Variants in MGA observed in about 807,000 individuals in gnomAD.
MGA encodes MAX gene-associated protein.
In MGA, 40 loss-of-function variants were observed where a neutral mutation model predicts 261.1. The ratio of observed to expected loss-of-function variants is 0.15; its 90% confidence interval spans 0.12 to 0.20. The LOEUF (loss-of-function observed/expected upper bound fraction) is 0.20, where lower values mean the gene tolerates loss of function less well. MGA is among the 10% of genes least tolerant of loss of function. The pLI is 1.00. For synonymous variants in MGA, 1,302 were observed against 1,290.6 expected, an observed-to-expected ratio of 1.01 and a Z score of -0.19; for missense variants, 3,397 against 3,630.5, an observed-to-expected ratio of 0.94 and a Z score of 1.65.
intron 1 of MGA, among the ~76,000 whole-genome samples, chr15:41,628,331 C>T (rs1370252234): frequency 6.8e-6 from 1 of 146,560 alleles, no homozygotes; most frequent in Admixed American, 6.9e-5. Context: ...CGTGCCACTG[C>T]TCTCCAGCCT....
chr15:41,750,884 G>A (rs748183170), intron 17 of MGA: 1 of 275,672 alleles, frequency 3.6e-6, no homozygotes, highest in Non-Finnish European at 6.8e-6. Flanking sequence ...TACCGAGTTA[G>A]ATTTTTAAAA....
chr15:41,686,019 AT>A (rs67738442), intron 2 of MGA, among the ~76,000 whole-genome samples: 36,714 of 140,764 alleles, frequency 0.26, 4,656 homozygotes, highest in Middle Eastern at 0.4. Flanking sequence ...AAAAAAAAAA[AT>A]AATAATAATA....
intron 17 of MGA, chr15:41,752,242 G>C (rs1048118295): frequency 6.6e-6 from 1 of 152,062 alleles, no homozygotes; most frequent in Non-Finnish European, 1.5e-5. Flanking sequence ...TCTTGGCCAG[G>C]CTGGTCTTAA....
intron 10 of MGA, 34 bp downstream of exon 10, chr15:41,727,440 A>G: frequency 6.3e-7 from 1 of 1,578,316 alleles, no homozygotes; most frequent in Middle Eastern, 1.7e-4. Context: ...ATTACAAGTT[A>G]CCAAAGTCAT....
chr15:41,692,049 G>GT (rs770708260), intron 2 of MGA, among the ~76,000 whole-genome samples: 96 of 152,168 alleles, frequency 6.3e-4, no homozygotes, highest in Non-Finnish European at 1.1e-3. Flanking sequence ...TGGCAGGGCA[G>GT]TTACTAGTAT....
At chr15:41,744,445 C>T (rs1419340401) in intron 15 of MGA, among the ~76,000 whole-genome samples, 2 of 152,152 alleles carry the variant, frequency 1.3e-5, no homozygotes, top group Non-Finnish European at 2.9e-5. Context: ...ATCTTCCCAC[C>T]TTGGCCTCCC....
chr15:41,741,893 G>T (rs1299861423), intron 14 of MGA, among the ~76,000 whole-genome samples: 3 of 151,576 alleles, frequency 2.0e-5, no homozygotes, highest in African/African-American at 7.3e-5. Flanking sequence ...TGTATTTTTA[G>T]TAGAGACGGG....
chr15:41,631,017 G>A (rs751852882), intron 1 of MGA, among the ~76,000 whole-genome samples: 9 of 152,262 alleles, frequency 5.9e-5, no homozygotes, highest in South Asian at 4.1e-4. Context: ...GGTACAGTGT[G>A]GGGGACACAC....
chr15:41,722,108 T>G (rs964914852), intron 9 of MGA, among the ~76,000 whole-genome samples: 3 of 149,936 alleles, frequency 2.0e-5, no homozygotes, highest in African/African-American at 4.9e-5. Context: ...AATATAAACT[T>G]TTAAAGTAGG....
At chr15:41,715,352 A>T (rs1279030906) in intron 9 of MGA, among the ~76,000 whole-genome samples, 1 of 151,366 alleles carries the variant, frequency 6.6e-6, no homozygotes, top group African/African-American at 2.4e-5. Flanking sequence ...GTTTCACCAT[A>T]TTGGCCAGGC....
chr15:41,696,361 T>G lies in MGA; in HGVS notation c.1351T>G (p.Ser451Ala). 1 of 1,613,950 alleles carries G rather than the reference T, an allele frequency of 6.2e-7. No individual in the cohort carries two copies. Among genetic ancestry groups the G allele is most frequent in the Non-Finnish European group, 8.5e-7 (1 of 1,179,890 alleles). ...TTCTAAATGGCTTCCAAGCAGCCCA[T>G]CAGGTGTTGCTAAAGCTAAAATGTT... The change falls in exon 3 of 24, where the codon TCA (serine) becomes GCA (alanine). Residue 451 changes from serine to alanine, a missense_variant. By Grantham distance (99) the Ser-to-Ala change is moderately conservative. Around this residue, in one of 9 missense-constraint regions of MGA, gnomAD observed 563 missense variants for 563.6 expected, o/e 1.00. Transcript: ENST00000219905.
intron 2 of MGA, among the ~76,000 whole-genome samples, chr15:41,686,943 T>A (rs553924853): frequency 7.6e-4 from 116 of 152,262 alleles, no homozygotes; most frequent in African/African-American, 2.7e-3. Flanking sequence ...TTATTTCTGA[T>A]GTGTTAGCAG....
chr15:41,747,451 C>T (rs918548354), intron 15 of MGA, among the ~76,000 whole-genome samples: 2 of 151,930 alleles, frequency 1.3e-5, no homozygotes, highest in South Asian at 4.2e-4. Flanking sequence ...CATAAGAGGC[C>T]AGGCACATTG....
chr15:41,758,451 A>G (rs1020702932), intron 19 of MGA, among the ~76,000 whole-genome samples: 1 of 152,140 alleles, frequency 6.6e-6, no homozygotes, highest in African/African-American at 2.4e-5. Context: ...TTAAAAAATC[A>G]TAGTGCAGTT....
intron 1 of MGA, among the ~76,000 whole-genome samples, chr15:41,651,640 TCCCCTCTCCTCTCCCTTC>T (rs2057049103): frequency 1.6e-5 from 2 of 122,292 alleles, no homozygotes; most frequent in Admixed American, 1.8e-4. Flanking sequence ...TTCTCTCCTC[TCCCCTCTCCTCTCCCTTC>T]CCCCTTCTCC....
intron 15 of MGA, among the ~76,000 whole-genome samples, chr15:41,746,113 C>T (rs1384590003): frequency 6.6e-6 from 1 of 152,082 alleles, no homozygotes; most frequent in Admixed American, 6.6e-5. Flanking sequence ...TTAAGTAAAC[C>T]ATCACATATT....
intron 13 of MGA, 38 bp downstream of exon 13, chr15:41,736,736 A>G (rs775095668): frequency 3.9e-6 from 6 of 1,525,806 alleles, no homozygotes; most frequent in African/African-American, 1.4e-5. Context: ...GCACCTTTGT[A>G]TACACCTAGG....
chr15:41,671,764 C>G (rs756751776), intron 2 of MGA, among the ~76,000 whole-genome samples: 1 of 152,200 alleles, frequency 6.6e-6, no homozygotes, highest in Non-Finnish European at 1.5e-5. Flanking sequence ...AATTTGGAAT[C>G]TCCGTGCTCA....
intron 9 of MGA, among the ~76,000 whole-genome samples, chr15:41,716,294 A>C (rs1254791386): frequency 6.6e-6 from 1 of 151,658 alleles, no homozygotes; most frequent in African/African-American, 2.4e-5. Context: ...AAAAATACAA[A>C]AAAAAAAAAA....
Sources: gnomAD v4.1 joint callset for allele counts (sites outside exome capture counted in the v4.1 genomes callset) on GRCh38, gnomAD v4.1.1 for gene constraint, gnomAD v4.1.1 regional missense constraint, MANE v1.5 for transcripts, NCBI Gene and HGNC (gene_info 2026-07-23, HGNC 2026-07-21) for gene names.